ADGRL3: variants seen among roughly 807,000 people sequenced by gnomAD.
The protein encoded by ADGRL3 is adhesion G protein-coupled receptor L3.
ADGRL3 carries 62 observed loss-of-function variants against 153.5 expected under a neutral mutation model. That is an observed-to-expected ratio of 0.40 (90% CI 0.33 to 0.50). ADGRL3 has a LOEUF of 0.50. Among genes scored for constraint, ADGRL3 ranks in the 20% least tolerant of loss-of-function variants. ADGRL3 has a pLI of 0.47. For synonymous variants in ADGRL3, 710 were observed against 672.5 expected, an observed-to-expected ratio of 1.06 and a Z score of -0.86; for missense variants, 1,641 against 1,859.4, an observed-to-expected ratio of 0.88 and a Z score of 2.16.
At chr4:62,029,709 T>A (rs1167740513) in intron 22 of ADGRL3, among the ~76,000 whole-genome samples, 1 of 151,092 alleles carries the variant, frequency 6.6e-6, no homozygotes, top group South Asian at 2.1e-4. Context: ...TTGTTGTTTT[T>A]TTTTTTTTTT....
chr4:62,045,159 T>A (rs10022373), intron 25 of ADGRL3, among the ~76,000 whole-genome samples: 1 of 151,880 alleles, frequency 6.6e-6, no homozygotes, highest in South Asian at 2.1e-4. Flanking sequence ...CTTAATCTAT[T>A]GTTTTGTTTG....
chr4:61,522,322 T>C (rs2152923533), intron 4 of ADGRL3, among the ~76,000 whole-genome samples: 1 of 152,210 alleles, frequency 6.6e-6, no homozygotes, highest in East Asian at 1.9e-4. Flanking sequence ...GCCTCAAAAA[T>C]GAACCTTGAT....
chr4:61,697,041 G>A (rs949801879), intron 6 of ADGRL3, among the ~76,000 whole-genome samples: 5 of 151,406 alleles, frequency 3.3e-5, no homozygotes, highest in African/African-American at 7.3e-5. Context: ...AACCCCTTAT[G>A]TATCTCACTA....
Position 61,795,817 on chromosome 4 carries a change from C to T in ADGRL3, c.1400-17992C>T, listed in dbSNP as rs541692117. 1.1e-3 allele frequency among the ~76,000 whole-genome samples: 160 copies of T among 152,240 alleles called. 2 individuals are homozygous for T. Among genetic ancestry groups the T allele is most frequent in the Middle Eastern group, 0.01 (3 of 294 alleles). ...GGCAAATAACAAGCATAATCTGATCCTACTTGCATACCTTGCCTCATATCC... is the reference window on the plus strand; with the variant it reads ...GGCAAATAACAAGCATAATCTGATCTTACTTGCATACCTTGCCTCATATCC... On this transcript the variant is annotated intron_variant, in intron 8 of 26. Transcript: ENST00000683033.
chr4:61,454,466 A>G (rs2097711143), intron 2 of ADGRL3, among the ~76,000 whole-genome samples: 1 of 152,170 alleles, frequency 6.6e-6, no homozygotes, highest in South Asian at 2.1e-4. Context: ...ATGTATGCAA[A>G]TAAGACTTTT....
chr4:61,782,526 A>G (rs1369787897), intron 8 of ADGRL3, among the ~76,000 whole-genome samples: 1 of 152,128 alleles, frequency 6.6e-6, no homozygotes, highest in Non-Finnish European at 1.5e-5. Flanking sequence ...ACAAATGGGG[A>G]AAATGGTCAA....
chr4:61,747,961 A>G (rs183771636), intron 8 of ADGRL3, among the ~76,000 whole-genome samples: 4,074 of 152,214 alleles, frequency 0.027, 114 homozygotes, highest in East Asian at 0.075. Flanking sequence ...AGGAAACCCC[A>G]TTGTCTCAGC....
chr4:61,736,741 G>A (rs951339448), intron 8 of ADGRL3, among the ~76,000 whole-genome samples: 4 of 152,162 alleles, frequency 2.6e-5, no homozygotes, highest in Admixed American at 6.5e-5. Flanking sequence ...AAATGAATTC[G>A]TAACTTAAGT....
intron 21 of ADGRL3, among the ~76,000 whole-genome samples, chr4:62,020,448 T>C (rs2151375114): frequency 6.6e-6 from 1 of 152,128 alleles, no homozygotes; most frequent in East Asian, 1.9e-4. Flanking sequence ...CCTCCAAAAG[T>C]GAACCAGGAA....
At chr4:61,612,819 A>G (rs1213014075) in intron 5 of ADGRL3, among the ~76,000 whole-genome samples, 3 of 152,142 alleles carry the variant, frequency 2.0e-5, no homozygotes, top group African/African-American at 7.2e-5. Context: ...TGAGCTGTTT[A>G]GTTTAGTCTA....
In ADGRL3 at chr4:61,401,821, C is replaced by G. The variant is rs114213578; in HGVS notation, c.-174+18632C>G. Among the ~76,000 whole-genome samples the G allele has an allele frequency of 7.7e-3, 1,173 of 152,104 alleles. 22 individuals are homozygous for G. The highest frequency in any genetic ancestry group is 0.027 in the African/African-American group (1,106 of 41,516). On this transcript the variant is annotated intron_variant, in intron 2 of 26. Coordinates refer to ENST00000683033, the MANE Select transcript of ADGRL3 (RefSeq NM_001387552.1). ...TTTCTCTAGTAATAGGTATATTTCT[C>G]TTAGGCATATTTGAATGCCAGTGTT...
At chr4:61,397,071 A>G (rs993168905) in intron 2 of ADGRL3, among the ~76,000 whole-genome samples, 2 of 151,664 alleles carry the variant, frequency 1.3e-5, no homozygotes, top group Non-Finnish European at 2.9e-5. Context: ...ATAATACAAA[A>G]CAATAACAAT....
chr4:62,031,252 G>T (rs986604990), intron 22 of ADGRL3, among the ~76,000 whole-genome samples, 190 bp from the exon 23 acceptor site: 1 of 151,526 alleles, frequency 6.6e-6, no homozygotes, highest in African/African-American at 2.4e-5. Flanking sequence ...TTTCATTCAT[G>T]TATATATCTC....
chr4:61,460,309 A>T (rs1338379683), intron 2 of ADGRL3, among the ~76,000 whole-genome samples: 1 of 152,258 alleles, frequency 6.6e-6, no homozygotes, highest in Admixed American at 6.5e-5. Context: ...TCCCAGAACC[A>T]CTTATTGAAG....
chr4:61,250,567 T>C (rs1758843336), intron 1 of ADGRL3, among the ~76,000 whole-genome samples: 1 of 152,200 alleles, frequency 6.6e-6, no homozygotes, highest in African/African-American at 2.4e-5. Context: ...TTTGTTTTTC[T>C]CTCTTGAATT....
chr4:61,517,546 T>G, intron 4 of ADGRL3, 28 bp downstream of exon 4: 1 of 697,514 alleles, frequency 1.4e-6, no homozygotes, highest in Non-Finnish European at 2.6e-6. Context: ...GAGAGAGGGC[T>G]GGGGGTGGCT....
intron 13 of ADGRL3, among the ~76,000 whole-genome samples, chr4:61,913,966 A>G (rs1409019552): frequency 1.3e-5 from 2 of 152,182 alleles, no homozygotes; most frequent in African/African-American, 2.4e-5. Context: ...AATTCTATAC[A>G]TGAATATCTT....
intron 13 of ADGRL3, among the ~76,000 whole-genome samples, chr4:61,915,758 T>G (rs1465965356): frequency 1.3e-5 from 2 of 152,190 alleles, no homozygotes; most frequent in East Asian, 3.9e-4. Context: ...TCCTTTAAAC[T>G]TTAGTCTATT....
chr4:61,309,809 AT>A, intron 1 of ADGRL3, among the ~76,000 whole-genome samples: 1 of 152,188 alleles, frequency 6.6e-6, no homozygotes, highest in Admixed American at 6.5e-5. Flanking sequence ...TTGCAATAGG[AT>A]GGCAGATGGA....
Sources: gnomAD v4.1 joint callset for allele counts (sites outside exome capture counted in the v4.1 genomes callset) on GRCh38, gnomAD v4.1.1 for gene constraint, MANE v1.5 for transcripts, NCBI Gene and HGNC (gene_info 2026-07-23, HGNC 2026-07-21) for gene names.